TPST2: variants seen among roughly 807,000 people sequenced by gnomAD.
TPST2 encodes the protein protein-tyrosine sulfotransferase 2.
Under a neutral mutation model 27.8 loss-of-function variants are expected in TPST2, and 16 were observed. The observed-to-expected ratio is 0.58, with a 90% CI of 0.39 to 0.88. The LOEUF (loss-of-function observed/expected upper bound fraction) is 0.88. TPST2 is among the 40% of genes least tolerant of loss of function. The pLI, the probability that TPST2 is intolerant of heterozygous loss-of-function variation, is 0.00. For synonymous variants in TPST2, 229 were observed against 231.7 expected, an observed-to-expected ratio of 0.99 and a Z score of 0.10; for missense variants, 464 against 543.1, an observed-to-expected ratio of 0.85 and a Z score of 1.45.
At chr22:26,538,918 T>C (rs1602258795) in intron 3 of TPST2, among the ~76,000 whole-genome samples, 1 of 152,072 alleles carries the variant, frequency 6.6e-6, no homozygotes, top group Non-Finnish European at 1.5e-5. Flanking sequence ...TACAGAGGAG[T>C]ATGTTTCGTT....
chr22:26,548,682 G>C (rs1429950786), intron 1 of TPST2, among the ~76,000 whole-genome samples: 1 of 151,812 alleles, frequency 6.6e-6, no homozygotes, highest in African/African-American at 2.4e-5. Flanking sequence ...AAAAATTCAA[G>C]CTAGGTGTGG....
At chr22:26,563,230 C>T (rs931121126) in intron 1 of TPST2, among the ~76,000 whole-genome samples, 1 of 152,044 alleles carries the variant, frequency 6.6e-6, no homozygotes, top group African/African-American at 2.4e-5. Context: ...AATCAGTAAA[C>T]AAGACAAAGC....
chr22:26,588,623 A>G (rs1426147992), intron 1 of TPST2, among the ~76,000 whole-genome samples: 1 of 152,224 alleles, frequency 6.6e-6, no homozygotes, highest in African/African-American at 2.4e-5. Context: ...ATATTAAGTA[A>G]ACAACAGTAC....
At position 26,554,233 on chromosome 22, in the gene TPST2, A is replaced by G. The variant is rs559147131; in HGVS notation, c.-160-9558T>C. Among the ~76,000 whole-genome samples, 5 of 152,284 alleles carry G rather than the reference A, an allele frequency of 3.3e-5. No individual in the cohort carries two copies. The East Asian group carries it at 9.6e-4, about 29-fold the overall frequency. On this transcript the variant is annotated intron_variant, in intron 1 of 6. Transcript: ENST00000338754. ...ACCCCACCCCATACACAGATGGGGA[A>G]GCTATGTGCCCCAGGTCAGACAGCT...
intron 3 of TPST2, among the ~76,000 whole-genome samples, chr22:26,540,463 G>C (rs1193781014): frequency 6.6e-6 from 1 of 152,156 alleles, no homozygotes; most frequent in East Asian, 1.9e-4. Context: ...GCCCAGCTTG[G>C]TGGCGCATGC....
chr22:26,555,131 A>G (rs1926718636), intron 1 of TPST2: 1 of 529,738 alleles, frequency 1.9e-6, no homozygotes, highest in Non-Finnish European at 3.8e-6. Context: ...GGGAATTTGC[A>G]TTTTAACGTG....
intron 1 of TPST2, among the ~76,000 whole-genome samples, chr22:26,586,352 C>T (rs573009679): frequency 7.2e-5 from 11 of 152,288 alleles, no homozygotes; most frequent in Admixed American, 5.9e-4. Context: ...TCTACTCAAG[C>T]GATCCTTCCA....
intron 1 of TPST2, among the ~76,000 whole-genome samples, chr22:26,581,641 T>C (rs1335341102): frequency 6.6e-6 from 1 of 152,202 alleles, no homozygotes; most frequent in Non-Finnish European, 1.5e-5. Flanking sequence ...TTCTCGCCTG[T>C]AAAGTGGAGA....
intron 1 of TPST2, among the ~76,000 whole-genome samples, chr22:26,545,733 T>C (rs1214836081): frequency 6.6e-6 from 1 of 152,198 alleles, no homozygotes; most frequent in Non-Finnish European, 1.5e-5. Context: ...TTTCCTATTC[T>C]GTAAACAGGA....
Position 26,541,181 on chromosome 22 carries a change from C to A in TPST2, c.450G>T (p.Glu150Asp). 1.3e-6 allele frequency: 2 copies of A among 1,595,800 alleles called. No homozygotes were observed. Among genetic ancestry groups the A allele is most frequent in the Non-Finnish European group, 8.6e-7 (1 of 1,168,896 alleles). The change falls in exon 3 of 7, where the codon GAG becomes GAT. Residue 150 changes from glutamate to aspartate, a missense_variant. Transcript: ENST00000338754. The surrounding 1 kb of genome is among the most constrained non-coding windows in gnomAD (Gnocchi z 5.9). ...CCTTGTTGCAGAGCACGCGGGCCGGCTCTCCGTGCTTGGCAATCACCTCCA... is the reference window on the plus strand; with the variant it reads ...CCTTGTTGCAGAGCACGCGGGCCGGATCTCCGTGCTTGGCAATCACCTCCA... The part of the protein sequence containing the change: ...FILEVIAKHG[E>D]PARVLCNKDP...
chr22:26,544,449 T>C (rs558252103), intron 2 of TPST2, among the ~76,000 whole-genome samples, 155 bp downstream of exon 2: 1 of 152,302 alleles, frequency 6.6e-6, no homozygotes, highest in East Asian at 1.9e-4. Context: ...TAGTACCAGA[T>C]TTCCAACCTG....
intron 1 of TPST2, chr22:26,560,414 A>G (rs886313536): frequency 6.2e-6 from 4 of 645,474 alleles, no homozygotes; most frequent in Non-Finnish European, 1.1e-5. Flanking sequence ...GTAAGGATTA[A>G]ATAAGATATT....
chr22:26,552,818 G>A (rs1398891303), intron 1 of TPST2, among the ~76,000 whole-genome samples: 2 of 152,074 alleles, frequency 1.3e-5, no homozygotes, highest in Admixed American at 6.6e-5. Context: ...CCAGCACTTT[G>A]GGAGGCCAAG....
chr22:26,526,986 G>A (rs1007569596), intron 6 of TPST2, among the ~76,000 whole-genome samples: 6 of 152,258 alleles, frequency 3.9e-5, no homozygotes, highest in South Asian at 4.1e-4. Flanking sequence ...GCTGAGGCAC[G>A]AGAGTCACTT....
intron 2 of TPST2, among the ~76,000 whole-genome samples, chr22:26,542,265 AGT>A (rs1925904289): frequency 7.0e-6 from 1 of 143,510 alleles, no homozygotes. Context: ...AAAAGGCTGG[AGT>A]GCATTGAGTG....
At chr22:26,527,638 A>T (rs1159629091) in intron 6 of TPST2, among the ~76,000 whole-genome samples, 1 of 152,234 alleles carries the variant, frequency 6.6e-6, no homozygotes, top group Non-Finnish European at 1.5e-5. Context: ...GTGGCTGTGT[A>T]GCCTTGGGCA....
intron 1 of TPST2, among the ~76,000 whole-genome samples, chr22:26,573,757 G>GGGCA (rs1927724197): frequency 6.6e-6 from 1 of 152,130 alleles, no homozygotes. Context: ...ATATTATTAG[G>GGGCA]GGCAGCAGTT....
chr22:26,540,854 GGCGAT>G lies in TPST2; in HGVS notation c.772_776del (p.Ile258LeufsTer9). 1 of 1,613,946 alleles carries G rather than the reference GGCGAT, an allele frequency of 6.2e-7. No individual in the cohort carries two copies. Among genetic ancestry groups the G allele is most frequent in the African/African-American group, 1.3e-5 (1 of 75,054 alleles). On this transcript the variant is annotated frameshift_variant, in exon 3 of 7. Coordinates refer to ENST00000338754, the MANE Select transcript of TPST2 (RefSeq NM_003595.5). LOFTEE classifies it high-confidence loss of function. ...CATGGTGGAGGACAGCGTCGCTCCA[GGCGAT>G]GCCGAGGAAGTCGAGGATGAGCTTG...
chr22:26,550,051 C>CCA (rs1555930628), intron 1 of TPST2, among the ~76,000 whole-genome samples: 1 of 144,852 alleles, frequency 6.9e-6, no homozygotes, highest in East Asian at 2.0e-4. Flanking sequence ...AAAAAAAAAA[C>CCA]AAAAAAAACA....
Sources: allele counts gnomAD v4.1 joint callset (sites outside exome capture counted in the v4.1 genomes callset), GRCh38; gene constraint gnomAD v4.1.1; non-coding constraint Gnocchi (gnomAD v3.1); transcripts MANE v1.5; gene names NCBI Gene and HGNC (gene_info 2026-07-23, HGNC 2026-07-21).